Variants in FANCC observed in about 807,000 individuals in gnomAD.
FANCC encodes FA complementation group C.
A neutral mutation model predicts 71.3 loss-of-function variants in FANCC; 55 were observed. The ratio of observed to expected loss-of-function variants is 0.77; its 90% CI spans 0.62 to 0.97. The LOEUF (loss-of-function observed/expected upper bound fraction) is 0.97, where lower values mean the gene tolerates loss of function less well. Ranked by LOEUF, FANCC falls within the 50% of genes least tolerant of loss-of-function variation. The pLI is 0.00. For synonymous variants in FANCC, 275 were observed against 244.9 expected (o/e 1.12, Z -1.15); for missense variants, 678 against 670.9 (o/e 1.01, Z -0.12).
chr9:95,179,163 G>A (rs554338416), intron 4 of FANCC, among the ~76,000 whole-genome samples: 1 of 152,218 alleles, frequency 6.6e-6, no homozygotes, highest in South Asian at 2.1e-4. Flanking sequence ...TTCATCTAAG[G>A]TCAATTTCCC....
intron 3 of FANCC, among the ~76,000 whole-genome samples, chr9:95,241,519 G>A (rs1360796216): frequency 2.0e-5 from 3 of 152,026 alleles, no homozygotes; most frequent in Admixed American, 2.0e-4. Flanking sequence ...ACAAAAATGG[G>A]GCCTAGAAAC....
chr9:95,148,459 A>C lies in FANCC; in HGVS notation c.686+1464T>G, dbSNP rs1829857596. Among the ~76,000 whole-genome samples the C allele has an allele frequency of 3.3e-5, 5 of 152,356 alleles. No homozygotes were observed. In the Middle Eastern group the frequency reaches 0.01, roughly 311 times the overall value. ...AATTAGCAAAGTGACTCAGTCCCCT[A>C]AGGAAAATGACTGACAGTGTTTGTA... On this transcript the variant is annotated intron_variant, in intron 7 of 14. Transcript: ENST00000289081.
chr9:95,289,667 C>CT (rs1489628747), intron 1 of FANCC, among the ~76,000 whole-genome samples: 1 of 152,036 alleles, frequency 6.6e-6, no homozygotes, highest in African/African-American at 2.4e-5. Flanking sequence ...TATTGACTGA[C>CT]TGAGACAGGG....
chr9:95,289,419 CG>C (rs1833878635), intron 1 of FANCC, among the ~76,000 whole-genome samples: 1 of 151,926 alleles, frequency 6.6e-6, no homozygotes, highest in African/African-American at 2.4e-5. Context: ...TTGAAGTGCG[CG>C]TGAGTATAGT....
chr9:95,175,937 T>C (rs1825987936), intron 4 of FANCC, among the ~76,000 whole-genome samples: 2 of 152,220 alleles, frequency 1.3e-5, no homozygotes, highest in African/African-American at 4.8e-5. Context: ...GGCAGCAGTC[T>C]GGGTTTGCAC....
At chr9:95,204,155 T>C (rs1028261851) in intron 4 of FANCC, among the ~76,000 whole-genome samples, 1 of 152,218 alleles carries the variant, frequency 6.6e-6, no homozygotes, top group African/African-American at 2.4e-5. Flanking sequence ...AGTAAAATAA[T>C]TTCAACAATA....
chr9:95,202,653 T>C (rs1057059316), intron 4 of FANCC, among the ~76,000 whole-genome samples: 1 of 152,214 alleles, frequency 6.6e-6, no homozygotes, highest in African/African-American at 2.4e-5. Context: ...AAGAAGTAAT[T>C]ACATTCTAAA....
Position 95,291,967 on chromosome 9 carries a change from A to AAAATATATAT in FANCC, c.-79+25558_-79+25559insATATATATTT, listed in dbSNP as rs1441757988. On this transcript the variant is annotated intron_variant, in intron 1 of 14. Transcript: ENST00000289081. ...TGTCTCAAAAAAAAAAAAAAAAAAA[A>AAAATATATAT]ATATATATATATATATATATATATA... Among the ~76,000 whole-genome samples, 22 of 50,420 alleles carry AAAATATATAT rather than the reference A, an allele frequency of 4.4e-4. 1 individual carries two copies. The highest frequency in any genetic ancestry group is 1.2e-3 in the African/African-American group (15 of 12,146). The allele number at this position is 50,420 out of a possible 152,430, so 33.1% of individuals were successfully genotyped here.
chr9:95,309,453 A>C (rs932883734), intron 1 of FANCC, among the ~76,000 whole-genome samples: 2 of 152,164 alleles, frequency 1.3e-5, no homozygotes, highest in Non-Finnish European at 1.5e-5. Flanking sequence ...ATAATCTTTA[A>C]TATGTAGGGG....
intron 7 of FANCC, among the ~76,000 whole-genome samples, chr9:95,138,200 T>A (rs1021961439): frequency 6.6e-6 from 1 of 152,206 alleles, no homozygotes; most frequent in African/African-American, 2.4e-5. Flanking sequence ...TGGTAACACT[T>A]GAAGCCAGGG....
In FANCC at chr9:95,136,491, T is replaced by A. The variant is rs1204256425; in HGVS notation, c.687-989A>T. Reference sequence around the variant, plus strand: ...CAGGACTGGGAATCAAAGATTCCTTTAAAAAAAAAAAAAGATGCAAAGTCG... The same window carrying A: ...CAGGACTGGGAATCAAAGATTCCTTAAAAAAAAAAAAAAGATGCAAAGTCG... On this transcript the variant is annotated intron_variant, in intron 7 of 14. Coordinates refer to ENST00000289081, the MANE Select transcript of FANCC (RefSeq NM_000136.3). 7.6e-5 allele frequency among the ~76,000 whole-genome samples: 11 copies of A among 144,392 alleles called. No individual in the cohort carries two copies. The South Asian group carries it at 8.8e-4, about 12-fold the overall frequency. The allele number at this position is 144,392 out of a possible 152,430, so 94.7% of individuals were successfully genotyped here. A position where few individuals can be genotyped will look rare whatever the true frequency, so the allele number is the denominator to read the frequency against.
At chr9:95,159,848 T>C (rs1830647453) in intron 6 of FANCC, among the ~76,000 whole-genome samples, 1 of 152,220 alleles carries the variant, frequency 6.6e-6, no homozygotes, top group South Asian at 2.1e-4. Context: ...TCTGTTCATA[T>C]TTTTTGCCCA....
intron 10 of FANCC, chr9:95,123,343 TA>T (rs1825389252): frequency 2.9e-6 from 1 of 341,806 alleles, no homozygotes; most frequent in Non-Finnish European, 5.6e-6. Flanking sequence ...ATTGTTGCTT[TA>T]AAAAGCAGAA....
chr9:95,197,219 A>T (rs559483031), intron 4 of FANCC, among the ~76,000 whole-genome samples: 4 of 152,254 alleles, frequency 2.6e-5, no homozygotes, highest in South Asian at 2.1e-4. Flanking sequence ...CATGAACACC[A>T]GGGCCCAAGG....
chr9:95,208,611 T>C (rs775880662), intron 4 of FANCC, among the ~76,000 whole-genome samples: 24 of 152,146 alleles, frequency 1.6e-4, no homozygotes, highest in Non-Finnish European at 3.4e-4. Context: ...TCAAAGAAGA[T>C]ATACAAATGA....
chr9:95,201,665 T>C (rs1428700812), intron 4 of FANCC, among the ~76,000 whole-genome samples: 1 of 152,162 alleles, frequency 6.6e-6, no homozygotes, highest in Non-Finnish European at 1.5e-5. Flanking sequence ...GAAAAAAATT[T>C]GTGCCACCAC....
At chr9:95,206,414 A>G (rs1021709411) in intron 4 of FANCC, among the ~76,000 whole-genome samples, 2 of 152,146 alleles carry the variant, frequency 1.3e-5, no homozygotes, top group African/African-American at 4.8e-5. Flanking sequence ...TTAAATTTGC[A>G]GTCTTTTTAT....
chr9:95,183,424 A>G (rs538705639), intron 4 of FANCC, among the ~76,000 whole-genome samples: 48 of 152,370 alleles, frequency 3.2e-4, no homozygotes, highest in African/African-American at 1.1e-3. Context: ...AATAAAGACC[A>G]GCTGAGTCAA....
At chr9:95,112,159 T>C (rs1258842891) in intron 12 of FANCC, among the ~76,000 whole-genome samples, 10 of 152,262 alleles carry the variant, frequency 6.6e-5, no homozygotes. Context: ...AGCTATCCCC[T>C]CGCCACACTG....
Sources: allele counts gnomAD v4.1 joint callset (sites outside exome capture counted in the v4.1 genomes callset), GRCh38; gene constraint gnomAD v4.1.1; transcripts MANE v1.5; gene names NCBI Gene and HGNC (gene_info 2026-07-23, HGNC 2026-07-21).